PKNOX2: variants seen among roughly 807,000 people sequenced by gnomAD.
PKNOX2 encodes the protein PBX/knotted 1 homeobox 2, also known as homeobox protein PKNOX2.
A neutral mutation model predicts 53.1 loss-of-function variants in PKNOX2; 14 were observed. The ratio of observed to expected loss-of-function variants is 0.26; its 90% CI spans 0.17 to 0.41. The LOEUF (loss-of-function observed/expected upper bound fraction) is 0.41, where lower values mean the gene tolerates loss of function less well. PKNOX2 is among the 10% of genes least tolerant of loss of function. The probability of loss-of-function intolerance (pLI) is 1.00; values close to 1 mark genes in which losing one functional copy is unlikely to be tolerated. For synonymous variants in PKNOX2, 257 were observed against 242.8 expected, an observed-to-expected ratio of 1.06 and a Z score of -0.54; for missense variants, 496 against 602.8, an observed-to-expected ratio of 0.82 and a Z score of 1.85.
At chr11:125,211,532 G>T (rs1160141152) in intron 1 of PKNOX2, among the ~76,000 whole-genome samples, 1 of 152,092 alleles carries the variant, frequency 6.6e-6, no homozygotes, top group Non-Finnish European at 1.5e-5. Context: ...AACAAAGCAG[G>T]TCTCTGGCAG....
chr11:125,361,843 C>T (rs550567177), intron 4 of PKNOX2, among the ~76,000 whole-genome samples: 4 of 152,316 alleles, frequency 2.6e-5, no homozygotes, highest in East Asian at 1.9e-4. Flanking sequence ...CTTGGGCCTC[C>T]GGGCTCCAGA....
At chr11:125,367,789 TG>T in intron 4 of PKNOX2, 56 bp from the exon 5 acceptor site, 1 of 1,573,648 alleles carries the variant, frequency 6.4e-7, no homozygotes, top group Non-Finnish European at 8.6e-7. Context: ...CACTACAGCC[TG>T]GAGACCAGCA....
chr11:125,357,300 A>G (rs80136077), intron 4 of PKNOX2, among the ~76,000 whole-genome samples: 2,146 of 152,264 alleles, frequency 0.014, 66 homozygotes, highest in African/African-American at 0.048. Context: ...TTCATTGTGT[A>G]AAAGGCAAAA....
chr11:125,256,428 T>C (rs1431697262), intron 2 of PKNOX2, among the ~76,000 whole-genome samples: 1 of 152,158 alleles, frequency 6.6e-6, no homozygotes, highest in East Asian at 1.9e-4. Context: ...CCCTAAACCC[T>C]GGGCAGGCAC....
chr11:125,411,856 G>T lies in PKNOX2; in HGVS notation c.927G>T (p.Gln309His). ...ATNIMRSWLF[Q>H]HLMHPYPTED... ...ATATAATGCGTTCTTGGCTCTTCCA[G>T]CATCTCATGGTGAGTGTGTGTGTCT... The change falls in exon 10 of 13, where the codon CAG (glutamine) becomes CAT (histidine). Residue 309 changes from glutamine (Q) to histidine (H), a missense_variant. Coordinates refer to ENST00000298282, the MANE Select transcript of PKNOX2 (RefSeq NM_001382323.2). The T allele has an allele frequency of 1.2e-6, 2 of 1,614,140 alleles. No individual in the cohort carries two copies. Among genetic ancestry groups the T allele is most frequent in the East Asian group, 2.2e-5 (1 of 44,874 alleles).
chr11:125,416,940 C>G (rs994459856), intron 10 of PKNOX2, among the ~76,000 whole-genome samples: 1 of 151,990 alleles, frequency 6.6e-6, no homozygotes, highest in Admixed American at 6.5e-5. Flanking sequence ...ATAGAAGGCT[C>G]CTGAGATGGA....
chr11:125,279,974 T>C (rs1946438057), intron 2 of PKNOX2, among the ~76,000 whole-genome samples: 1 of 151,794 alleles, frequency 6.6e-6, no homozygotes, highest in Non-Finnish European at 1.5e-5. Flanking sequence ...GATTAACTCA[T>C]TTTATACATA....
chr11:125,389,249 C>T (rs1438903026), intron 6 of PKNOX2, among the ~76,000 whole-genome samples: 1 of 152,170 alleles, frequency 6.6e-6, no homozygotes, highest in Non-Finnish European at 1.5e-5. Context: ...GCCCTATCTC[C>T]TTTTATAGCC....
rs1261131064 is a variant in PKNOX2 at position 125,432,020 on chromosome 11, T to C, written c.*628T>C. On this transcript the variant is annotated 3_prime_UTR_variant, in exon 13 of 13. Transcript: ENST00000298282. ...GCCCTGTCTCTGCGCACAGCAACCA[T>C]GGACATGGGAGAAAGGGATGGGAGC... The C allele has an allele frequency of 6.6e-6, 1 of 152,584 alleles. No homozygotes were observed. The highest frequency in any genetic ancestry group is 1.5e-5 in the Non-Finnish European group (1 of 68,384). 9.5% of individuals were successfully genotyped at this position (152,584 alleles called of 1,614,324 possible). A position where few individuals can be genotyped will look rare whatever the true frequency, so the allele number is the denominator to read the frequency against.
At chr11:125,202,874 C>T (rs1413286367) in intron 1 of PKNOX2, among the ~76,000 whole-genome samples, 2 of 152,098 alleles carry the variant, frequency 1.3e-5, no homozygotes, top group Non-Finnish European at 2.9e-5. Context: ...CCCACCTTTC[C>T]TCTCTACCCC....
At chr11:125,417,807 C>A (rs1400525561) in intron 10 of PKNOX2, among the ~76,000 whole-genome samples, 2 of 151,988 alleles carry the variant, frequency 1.3e-5, no homozygotes, top group South Asian at 2.1e-4. Flanking sequence ...ATGTCTCCCC[C>A]ACCCCACTCA....
At chr11:125,415,353 C>A (rs1348768263) in intron 10 of PKNOX2, among the ~76,000 whole-genome samples, 1 of 149,960 alleles carries the variant, frequency 6.7e-6, no homozygotes, top group Non-Finnish European at 1.5e-5. Context: ...CAAGTTCAAG[C>A]GATTCTCCTG....
chr11:125,426,260 G>C (rs1325245617), intron 10 of PKNOX2, among the ~76,000 whole-genome samples: 3 of 152,196 alleles, frequency 2.0e-5, no homozygotes, highest in Non-Finnish European at 2.9e-5. Context: ...TCCTCTACTA[G>C]ATTGGCTTTG....
At chr11:125,306,927 C>T (rs1054927180) in intron 2 of PKNOX2, among the ~76,000 whole-genome samples, 2 of 152,152 alleles carry the variant, frequency 1.3e-5, no homozygotes, top group African/African-American at 2.4e-5. Flanking sequence ...CCACAGGGTT[C>T]CCAGTAGGGT....
intron 10 of PKNOX2, among the ~76,000 whole-genome samples, chr11:125,419,466 A>G (rs1247531994): frequency 9.0e-5 from 13 of 145,246 alleles, no homozygotes; most frequent in Admixed American, 6.8e-5. Flanking sequence ...AAAAAAAAAA[A>G]CAAGAAAATG....
intron 3 of PKNOX2, among the ~76,000 whole-genome samples, chr11:125,344,744 G>A (rs750806199): frequency 2.6e-5 from 4 of 152,298 alleles, no homozygotes; most frequent in Non-Finnish European, 5.9e-5. Flanking sequence ...AGGAGGACCC[G>A]GAGGGGCAGT....
rs750287833 is a variant in PKNOX2 at position 125,411,679 on chromosome 11, G to A, written c.817-67G>A. The A allele has an allele frequency of 2.2e-5, 35 of 1,611,346 alleles. No individual in the cohort carries two copies. The South Asian group carries it at 3.7e-4, about 17-fold the overall frequency. ...GGCAGCCAAGCCTGCCGTCGCTATG[G>A]CAACAGGTCCCCAGCCGCTGCCCTC... On this transcript the variant is annotated intron_variant, in intron 9 of 12. Transcript: ENST00000298282.
chr11:125,404,647 C>A (rs201617230), intron 7 of PKNOX2, among the ~76,000 whole-genome samples: 6,881 of 152,024 alleles, frequency 0.045, 299 homozygotes, highest in African/African-American at 0.11. Flanking sequence ...CACACACACA[C>A]CACCACACAC....
intron 2 of PKNOX2, among the ~76,000 whole-genome samples, chr11:125,258,116 T>C (rs1944554348): frequency 1.3e-5 from 2 of 152,162 alleles, no homozygotes; most frequent in South Asian, 4.1e-4. Flanking sequence ...CCAGTGCAGC[T>C]GGTCACCAAA....
Sources: allele counts gnomAD v4.1 joint callset (sites outside exome capture counted in the v4.1 genomes callset), GRCh38; gene constraint gnomAD v4.1.1; transcripts MANE v1.5; gene names NCBI Gene and HGNC (gene_info 2026-07-23, HGNC 2026-07-21).